SERAC1: variants seen among roughly 807,000 people sequenced by gnomAD.
SERAC1 encodes protein SERAC1.
In SERAC1, 36 loss-of-function variants were observed where a neutral mutation model predicts 85.7. The ratio of observed to expected loss-of-function variants is 0.42; its 90% CI spans 0.32 to 0.55. The LOEUF (loss-of-function observed/expected upper bound fraction) is 0.55, where lower values mean the gene tolerates loss of function less well. Among genes scored for constraint, SERAC1 ranks in the 20% least tolerant of loss-of-function variants. SERAC1 has a pLI of 0.11. For missense variants in SERAC1, 629 were observed against 796.2 expected (o/e 0.79, Z 2.53); for synonymous variants, 242 against 265.3 (o/e 0.91, Z 0.85).
At chr6:158,126,023 G>A (rs561487475) in intron 10 of SERAC1, among the ~76,000 whole-genome samples, 10 of 152,018 alleles carry the variant, frequency 6.6e-5, no homozygotes, top group Non-Finnish European at 1.3e-4. Context: ...ATAACCAAAC[G>A]ATATCAATAA....
chr6:158,157,344 C>A (rs1562460266), intron 2 of SERAC1, among the ~76,000 whole-genome samples: 1 of 152,106 alleles, frequency 6.6e-6, no homozygotes, highest in Non-Finnish European at 1.5e-5. Flanking sequence ...TTGTTCAGAG[C>A]TTCAACTCAT....
chr6:158,144,453 A>T, intron 6 of SERAC1, 33 bp from the exon 7 acceptor site: 1 of 1,540,188 alleles, frequency 6.5e-7, no homozygotes, highest in Non-Finnish European at 8.8e-7. Context: ...TGTTAATACC[A>T]AAACTAGCTG....
chr6:158,131,170 A>G (rs1784662730), intron 8 of SERAC1, among the ~76,000 whole-genome samples: 1 of 151,632 alleles, frequency 6.6e-6, no homozygotes, highest in Non-Finnish European at 1.5e-5. Context: ...ACTAATATGC[A>G]ATAATCTCCT....
chr6:158,139,709 G>A (rs1391381916), intron 8 of SERAC1, among the ~76,000 whole-genome samples: 2 of 152,154 alleles, frequency 1.3e-5, no homozygotes, highest in East Asian at 1.9e-4. Context: ...CTGCATTCCA[G>A]CCTGGGCAAC....
At chr6:158,156,801 GTATAA>G (rs955915601) in intron 2 of SERAC1, among the ~76,000 whole-genome samples, 38 of 126,228 alleles carry the variant, frequency 3.0e-4, no homozygotes, top group South Asian at 9.2e-4. Context: ...ATGTTTAAAT[GTATAA>G]TATATTTATA....
intron 6 of SERAC1, 91 bp from the exon 7 acceptor site, chr6:158,144,511 A>G: frequency 8.1e-7 from 1 of 1,234,160 alleles, no homozygotes; most frequent in Non-Finnish European, 1.1e-6. Flanking sequence ...AAGCACTCTA[A>G]TTTTTAAACT....
chr6:158,158,872 G>A (rs1162770020), intron 1 of SERAC1: 1 of 152,270 alleles, frequency 6.6e-6, no homozygotes, highest in African/African-American at 2.4e-5. Context: ...TAGTACCCAC[G>A]TTGTTTAAAA....
intron 3 of SERAC1, among the ~76,000 whole-genome samples, chr6:158,154,336 T>C (rs1472690080): frequency 6.6e-6 from 1 of 152,142 alleles, no homozygotes; most frequent in African/African-American, 2.4e-5. Context: ...AATTGTGAGC[T>C]AGACAAACTG....
chr6:158,134,544 G>A (rs2070107210), intron 8 of SERAC1, among the ~76,000 whole-genome samples: 1 of 152,060 alleles, frequency 6.6e-6, no homozygotes, highest in African/African-American at 2.4e-5. Flanking sequence ...GTATGAATAA[G>A]GATAGTAAGA....
At chr6:158,125,796 G>C (rs927739813) in intron 10 of SERAC1, among the ~76,000 whole-genome samples, 2 of 152,180 alleles carry the variant, frequency 1.3e-5, no homozygotes, top group Non-Finnish European at 2.9e-5. Flanking sequence ...GATGTGAACT[G>C]AATTATGGGG....
intron 9 of SERAC1, among the ~76,000 whole-genome samples, chr6:158,129,691 T>G (rs1360203035): frequency 7.2e-6 from 1 of 139,226 alleles, no homozygotes; most frequent in East Asian, 2.1e-4. Context: ...TCCTTGTTTT[T>G]TTTTGTTTTG....
In SERAC1 at chr6:158,114,580, A is replaced by G. The variant is rs148162521; in HGVS notation, c.1684+209T>C. 1,760 of 1,281,294 alleles carry G rather than the reference A, an allele frequency of 1.4e-3. 23 individuals carry two copies. The African/African-American group carries it at 0.024, about 18-fold the overall frequency. 79.4% of individuals were successfully genotyped at this position (1,281,294 alleles called of 1,614,324 possible). The stretch of plus-strand genomic sequence containing the variant: ...TATTTAAGATAATATTAAAATTATT[A>G]CAATGCTTGAGTAAATAATGGCTTA... On this transcript the variant is annotated intron_variant, in intron 15 of 16. Transcript: ENST00000647468.
At chr6:158,159,818 G>T (rs966160025) in intron 1 of SERAC1, among the ~76,000 whole-genome samples, 5 of 151,834 alleles carry the variant, frequency 3.3e-5, no homozygotes, top group Admixed American at 6.6e-5. Flanking sequence ...TAGAGACAGG[G>T]TTTCACCATA....
intron 6 of SERAC1, among the ~76,000 whole-genome samples, chr6:158,144,934 C>T (rs978676100): frequency 1.3e-5 from 2 of 152,082 alleles, no homozygotes; most frequent in Non-Finnish European, 2.9e-5. Flanking sequence ...ACATTATTTT[C>T]AATAATGGCA....
chr6:158,132,514 A>G (rs1784701853), intron 8 of SERAC1, among the ~76,000 whole-genome samples: 1 of 152,128 alleles, frequency 6.6e-6, no homozygotes. Context: ...ATTTATCGCC[A>G]CATCCTGGCT....
In SERAC1 at chr6:158,110,284, G is replaced by A. The variant is rs542901289; in HGVS notation, c.*1082C>T. 25 of 152,172 alleles carry A rather than the reference G, an allele frequency of 1.6e-4. No individual in the cohort carries two copies. The highest frequency in any genetic ancestry group is 3.2e-4 in the Non-Finnish European group (22 of 68,082). The allele number at this position is 152,172 out of a possible 1,614,324, so 9.4% of individuals were successfully genotyped here. On this transcript the variant is annotated 3_prime_UTR_variant, in exon 17 of 17. Transcript: ENST00000647468. ...GCCTGTAGTCCTAGCTGCTTGGGAG[G>A]CTGAAGCAAAAGGATCTCTTGAGCC...
chr6:158,157,322 T>A (rs1785376598), intron 2 of SERAC1, among the ~76,000 whole-genome samples: 1 of 152,132 alleles, frequency 6.6e-6, no homozygotes, highest in South Asian at 2.1e-4. Context: ...TTGCACGTAT[T>A]GAGACAGTCC....
chr6:158,119,209 T>C lies in SERAC1; in HGVS notation c.1167-39A>G, dbSNP rs375806223. Reference sequence around the variant, plus strand: ...GAGTTTTAAAAAGAAGCAGAATAAATGCATTACTGCTTTGGTAAGAATCTA... The same window carrying C: ...GAGTTTTAAAAAGAAGCAGAATAAACGCATTACTGCTTTGGTAAGAATCTA... On this transcript the variant is annotated intron_variant, in intron 11 of 16. Coordinates refer to ENST00000647468, the MANE Select transcript of SERAC1 (RefSeq NM_032861.4). This position sits in a 1 kb window ranked among gnomAD's most constrained non-coding sequence, Gnocchi z 4.5. The C allele has an allele frequency of 1.7e-5, 27 of 1,568,872 alleles. No homozygotes were observed. The highest frequency in any genetic ancestry group is 2.2e-5 in the Non-Finnish European group (25 of 1,154,372).
At chr6:158,141,666 G>T (rs992668075) in intron 8 of SERAC1, among the ~76,000 whole-genome samples, 6 of 152,130 alleles carry the variant, frequency 3.9e-5, no homozygotes, top group African/African-American at 1.4e-4. Flanking sequence ...ATCTTGTAGG[G>T]CAGGAAGAAT....
Sources: gnomAD v4.1 joint callset for allele counts (sites outside exome capture counted in the v4.1 genomes callset) on GRCh38, gnomAD v4.1.1 for gene constraint, Gnocchi (gnomAD v3.1) non-coding constraint, MANE v1.5 for transcripts, NCBI Gene and HGNC (gene_info 2026-07-23, HGNC 2026-07-21) for gene names.